GRIN2C: variants seen among roughly 807,000 people sequenced by gnomAD.
GRIN2C encodes glutamate receptor ionotropic, NMDA 2C.
In GRIN2C, 64 loss-of-function variants were observed where a neutral mutation model predicts 77.7. The ratio of observed to expected loss-of-function variants is 0.82; its 90% CI spans 0.67 to 1.01. The LOEUF is 1.01. Ranked by LOEUF, GRIN2C falls within the 50% of genes least tolerant of loss-of-function variation. GRIN2C has a pLI of 0.00. For synonymous variants in GRIN2C, 792 were observed against 643.4 expected (o/e 1.23, Z -3.49); for missense variants, 1,549 against 1,486.0 (o/e 1.04, Z -0.70).
chr17:74,843,869 G>A (rs2037379183), intron 12 of GRIN2C, among the ~76,000 whole-genome samples: 1 of 145,148 alleles, frequency 6.9e-6, no homozygotes, highest in African/African-American at 2.5e-5. Context: ...TTCTCAGGAC[G>A]TTGGCTTTTT....
intron 11 of GRIN2C, 119 bp downstream of exon 11, chr17:74,845,947 C>G: frequency 2.1e-6 from 2 of 931,732 alleles, no homozygotes; most frequent in East Asian, 4.8e-5. Context: ...GCCCCAACCT[C>G]TCACCCCCCA....
In GRIN2C at chr17:74,852,492, C is replaced by T; in HGVS notation, c.519G>A (p.Pro173=). ...SAFAVITSLH[P]GHALFLEGVR... is the part of the protein sequence containing the mutation. ...CGCCCTCCAGGAAGAGCGCGTGGCC[C>T]GGGTGCAGGCTGGTGATGACGGCGA... Residue 173 remains proline (P), a synonymous_variant, in exon 3 of 13, where the codon CCG becomes CCA. Coordinates refer to ENST00000293190, the MANE Select transcript of GRIN2C (RefSeq NM_000835.6). 2.6e-6 allele frequency: 4 copies of T among 1,568,042 alleles called. No homozygotes were observed. Among genetic ancestry groups the T allele is most frequent in the East Asian group, 2.5e-5 (1 of 40,294 alleles).
In GRIN2C at chr17:74,849,767, C is replaced by T. The variant is rs1278700426; in HGVS notation, c.1645+13G>A. ...CTGCCCCCGGAGCCGTCTCTGCCCACCCTGGGCCTCACCCAAGAAGGCCGA... is the reference window on the plus strand; with the variant it reads ...CTGCCCCCGGAGCCGTCTCTGCCCATCCTGGGCCTCACCCAAGAAGGCCGA... On this transcript the variant is annotated intron_variant, in intron 7 of 12. Coordinates refer to ENST00000293190, the MANE Select transcript of GRIN2C (RefSeq NM_000835.6). This position sits in a 1 kb window ranked among gnomAD's most constrained non-coding sequence, Gnocchi z 4.6. The T allele has an allele frequency of 1.2e-6, 2 of 1,610,056 alleles. No homozygotes were observed. The highest frequency in any genetic ancestry group is 1.7e-6 in the Non-Finnish European group (2 of 1,179,118).
At chr17:74,856,797 A>G (rs2037833108) in intron 1 of GRIN2C, among the ~76,000 whole-genome samples, 1 of 151,672 alleles carries the variant, frequency 6.6e-6, no homozygotes, top group East Asian at 1.9e-4. Context: ...CTTTTTTTTT[A>G]ATCCAAAGCC....
Position 74,852,287 on chromosome 17 carries a change from G to T in GRIN2C, c.724C>A (p.Gln242Lys). 2 of 1,422,980 alleles carry T rather than the reference G, an allele frequency of 1.4e-6. No homozygotes were observed. The highest frequency in any genetic ancestry group is 1.8e-6 in the Non-Finnish European group (2 of 1,095,604). The allele number at this position is 1,422,980 out of a possible 1,614,324, so 88.1% of individuals were successfully genotyped here. A position where few individuals can be genotyped will look rare whatever the true frequency, so the allele number is the denominator to read the frequency against. Residue 242 changes from glutamine to lysine, a missense_variant, in exon 3 of 13, where the codon CAG (glutamine) becomes AAG (lysine). Physicochemically the swap from Gln to Lys is moderately conservative, Grantham distance 53. Around this residue, in one of 3 missense-constraint regions of GRIN2C, gnomAD observed 382 missense variants for 360.0 expected, o/e 1.06. Transcript: ENST00000293190. ...TGGCCGGGCCCCACCAGACCGGCCT[G>T]CGCCGCCTCGGCGAAGAGCACCTCG... The part of the protein sequence containing the change: ...EAEVLFAEAA[Q>K]AGLVGPGHVW...
intron 2 of GRIN2C, chr17:74,852,831 C>T: frequency 2.4e-6 from 1 of 419,206 alleles, no homozygotes; most frequent in Non-Finnish European, 4.2e-6. Context: ...CGCTGGCCCG[C>T]AGACCCGCAG....
chr17:74,842,596 C>G lies in GRIN2C; in HGVS notation c.3541G>C (p.Ala1181Pro), dbSNP rs747140904. 105 of 766,936 alleles carry G rather than the reference C, an allele frequency of 1.4e-4. No individual in the cohort carries two copies. Among genetic ancestry groups the G allele is most frequent in the Non-Finnish European group, 2.1e-4 (85 of 412,064 alleles). 47.5% of individuals were successfully genotyped at this position (766,936 alleles called of 1,614,324 possible). A position where few individuals can be genotyped will look rare whatever the true frequency, so the allele number is the denominator to read the frequency against. ...CASHGSWLSG[A>P]WGPLGHRGRT... ...CCCCTGTGCCCCAGAGGCCCCCAGG[C>G]CCCGGAGAGCCAGGAGCCGTGGCTG... The change falls in exon 13 of 13, where the codon GCC becomes CCC. Residue 1181 changes from alanine (A) to proline (P), a missense_variant. Physicochemically the swap from Ala to Pro is conservative, Grantham distance 27. Transcript: ENST00000293190.
chr17:74,844,588 G>A (rs889431032), intron 11 of GRIN2C, 80 bp from the exon 12 acceptor site: 2 of 1,540,694 alleles, frequency 1.3e-6, no homozygotes, highest in African/African-American at 2.7e-5. Context: ...CACAAACCTG[G>A]AGTAAGAAGG....
upstream of GRIN2C, among the ~76,000 whole-genome samples, chr17:74,861,087 CGCGGTG>C (rs2037941115): frequency 6.6e-6 from 1 of 152,208 alleles, no homozygotes; most frequent in Non-Finnish European, 1.5e-5. Flanking sequence ...CCCCTGGTCC[CGCGGTG>C]CTGCCGCGCC....
chr17:74,854,819 C>T lies in GRIN2C; in HGVS notation c.274G>A (p.Gly92Ser), dbSNP rs368957226. 1.9e-5 allele frequency: 31 copies of T among 1,613,810 alleles called. No homozygotes were observed. Among genetic ancestry groups the T allele is most frequent in the East Asian group, 4.5e-5 (2 of 44,880 alleles). Residue 92 changes from glycine (G) to serine (S), a missense_variant, in exon 2 of 13, where the codon GGC becomes AGC. Around this residue, in one of 3 missense-constraint regions of GRIN2C, gnomAD observed 382 missense variants for 360.0 expected, o/e 1.06. Coordinates refer to ENST00000293190, the MANE Select transcript of GRIN2C (RefSeq NM_000835.6). ...CGLLGAAHVH[G>S]IVFEDNVDTE... ...TCCACGTTGTCCTCAAAGACAATGC[C>T]GTGGACGTGGGCAGCACCCAGGAGG...
intron 2 of GRIN2C, chr17:74,854,482 A>T: frequency 1.8e-6 from 1 of 542,910 alleles, no homozygotes; most frequent in Non-Finnish European, 3.3e-6. Context: ...CCCACCCCTC[A>T]TCCAGACACA....
At chr17:74,844,199 G>C in intron 12 of GRIN2C, 77 bp downstream of exon 12, 1 of 1,573,568 alleles carries the variant, frequency 6.4e-7, no homozygotes, top group South Asian at 1.2e-5. Context: ...CTCTGGAAAT[G>C]GGCCATGGCC....
chr17:74,861,249 C>T (rs1409707019), upstream of GRIN2C, among the ~76,000 whole-genome samples: 1 of 152,198 alleles, frequency 6.6e-6, no homozygotes, highest in Non-Finnish European at 1.5e-5. Flanking sequence ...AACCCAAGGC[C>T]AGGTTCTTGA....
chr17:74,847,272 G>GGGCCCCC lies in GRIN2C; in HGVS notation c.2001+35_2001+36insGGGGGCC. The GGGCCCCC allele has an allele frequency of 1.4e-6, 1 of 692,326 alleles. No individual in the cohort carries two copies. Among genetic ancestry groups the GGGCCCCC allele is most frequent in the Non-Finnish European group, 2.6e-6 (1 of 384,402 alleles). 42.9% of individuals were successfully genotyped at this position (692,326 alleles called of 1,614,324 possible). A position where few individuals can be genotyped will look rare whatever the true frequency, so the allele number is the denominator to read the frequency against. On this transcript the variant is annotated intron_variant, in intron 9 of 12. Coordinates refer to ENST00000293190, the MANE Select transcript of GRIN2C (RefSeq NM_000835.6). The surrounding 1 kb of genome is among the most constrained non-coding windows in gnomAD (Gnocchi z 5.2). ...CTCACGGCCTGTCCCCACCCTCAGT[G>GGGCCCCC]CCCCCCCCCACCCCCAGCAGCTATG...
rs770240123 is a variant in GRIN2C at position 74,854,739 on chromosome 17, G to A, written c.354C>T (p.Pro118=). 1 of 1,611,558 alleles carries A rather than the reference G, an allele frequency of 6.2e-7. No homozygotes were observed. Among genetic ancestry groups the A allele is most frequent in the South Asian group, 1.1e-5 (1 of 90,940 alleles). Residue 118 remains proline (P), a synonymous_variant, in exon 2 of 13, where the codon CCC becomes CCT. Transcript: ENST00000293190. ...CAGAGCCTCCGCTGATGCTGAGGAT[G>A]GGCACATGGGTCTGGGAGGAGATGA... ...LDFISSQTHV[P]ILSISGGSAV...
chr17:74,850,890 G>A lies in GRIN2C; in HGVS notation c.1114-123C>T, dbSNP rs1055655244. ...AGGGATGCTGGGGCAGGTCAGAGTA[G>A]GGCTGCTCCCAACAGCCTCCCCCAG... On this transcript the variant is annotated intron_variant, in intron 4 of 12. Transcript: ENST00000293190. The surrounding 1 kb of genome is among the most constrained non-coding windows in gnomAD (Gnocchi z 5.3). 17 of 799,704 alleles carry A rather than the reference G, an allele frequency of 2.1e-5. No homozygotes were observed. The highest frequency in any genetic ancestry group is 3.6e-4 in the Middle Eastern group (1 of 2,746). The allele number at this position is 799,704 out of a possible 1,614,324, so 49.5% of individuals were successfully genotyped here.
Position 74,842,852 on chromosome 17 carries a change from C to T in GRIN2C, c.3285G>A (p.Ser1095=), listed in dbSNP as rs899771224. The T allele has an allele frequency of 1.4e-5, 8 of 559,606 alleles. No homozygotes were observed. The highest frequency in any genetic ancestry group is 1.3e-4 in the South Asian group (6 of 45,190). The allele number at this position is 559,606 out of a possible 1,614,324, so 34.7% of individuals were successfully genotyped here. Residue 1095 remains serine, a synonymous_variant, in exon 13 of 13, where the codon TCG becomes TCA. Transcript: ENST00000293190. ...CGGGGCCGGTGCACCCAGCGGGCAG[C>T]GAGCTGGGCCGAGCGAAGGCCTCGG... ...SVAEAFARPS[S]LPAGCTGPAC... is the part of the protein sequence containing the mutation.
Position 74,852,084 on chromosome 17 carries a change from G to T in GRIN2C, c.927C>A (p.Thr309=). 6.8e-7 allele frequency: 1 copy of T among 1,464,382 alleles called. No homozygotes were observed. Among genetic ancestry groups the T allele is most frequent in the East Asian group, 2.6e-5 (1 of 38,540 alleles). The allele number at this position is 1,464,382 out of a possible 1,614,324, so 90.7% of individuals were successfully genotyped here. Reference sequence around the variant, plus strand: ...GGCAGTCCCCGGCCGGGGCTGGCAGGGTTCCATGCTGGCGCCAGTAGCTGT... The same window carrying T: ...GGCAGTCCCCGGCCGGGGCTGGCAGTGTTCCATGCTGGCGCCAGTAGCTGT... ...GAHSYWRQHG[T]LPAPAGDCRV... Residue 309 remains threonine (T), a synonymous_variant, in exon 3 of 13, where the codon ACC becomes ACA. Coordinates refer to ENST00000293190, the MANE Select transcript of GRIN2C (RefSeq NM_000835.6).
Position 74,846,899 on chromosome 17 carries a change from A to G in GRIN2C, c.2023T>C (p.Tyr675His). The G allele has an allele frequency of 6.2e-7, 1 of 1,612,388 alleles. No homozygotes were observed. Among genetic ancestry groups the G allele is most frequent in the Non-Finnish European group, 8.5e-7 (1 of 1,178,790 alleles). ...ACCGTGCCGAAGCGGAAAGGTGGGT[A>G]CTGATCTTGAGGCCGCTGAAACTGC... ...DKKFQRPQDQ[Y>H]PPFRFGTVPN... The change falls in exon 10 of 13, where the codon TAC becomes CAC. Residue 675 changes from tyrosine to histidine, a missense_variant. This residue lies in a region of GRIN2C where 717 missense variants were observed against 858.1 expected (regional missense o/e 0.84). Coordinates refer to ENST00000293190, the MANE Select transcript of GRIN2C (RefSeq NM_000835.6). The surrounding 1 kb of genome is among the most constrained non-coding windows in gnomAD (Gnocchi z 4.4).
Sources: allele counts gnomAD v4.1 joint callset (sites outside exome capture counted in the v4.1 genomes callset), GRCh38; gene constraint gnomAD v4.1.1; regional missense constraint gnomAD v4.1.1; non-coding constraint Gnocchi (gnomAD v3.1); transcripts MANE v1.5; gene names NCBI Gene and HGNC (gene_info 2026-07-23, HGNC 2026-07-21).